The following RIMS2 variants were observed in gnomAD, a reference collection of about 807,000 sequenced individuals.
The protein encoded by RIMS2 is regulating synaptic membrane exocytosis 2.
RIMS2 carries 59 observed loss-of-function variants against 174.4 expected under a neutral mutation model. The observed-to-expected ratio is 0.34, with a 90% confidence interval of 0.27 to 0.42. RIMS2 has a LOEUF of 0.42. Among genes scored for constraint, RIMS2 ranks in the 10% least tolerant of loss-of-function variants. RIMS2 has a pLI of 1.00. For synonymous variants in RIMS2, 606 were observed against 572.5 expected (o/e 1.06, Z -0.84); for missense variants, 1,620 against 1,666.3 (o/e 0.97, Z 0.48).
At chr8:104,034,915 A>C (rs1390051569) in intron 19 of RIMS2, among the ~76,000 whole-genome samples, 1 of 152,202 alleles carries the variant, frequency 6.6e-6, no homozygotes, top group East Asian at 1.9e-4. Flanking sequence ...GAGCACATTT[A>C]CACATAAAAT....
At chr8:103,950,587 T>C (rs2085116369) in intron 14 of RIMS2, among the ~76,000 whole-genome samples, 1 of 152,158 alleles carries the variant, frequency 6.6e-6, no homozygotes, top group Non-Finnish European at 1.5e-5. Flanking sequence ...AATCCAATGT[T>C]CATCCCTGTA....
At chr8:103,813,418 T>TTCTTTCTTTCTTTC (rs1201999264) in intron 3 of RIMS2, among the ~76,000 whole-genome samples, 36 of 151,758 alleles carry the variant, frequency 2.4e-4, no homozygotes, top group East Asian at 7.7e-4. Context: ...CTTTCTTTAT[T>TTCTTTCTTTCTTTC]ATACTTTAAG....
intron 12 of RIMS2, among the ~76,000 whole-genome samples, chr8:103,933,553 G>A (rs1201725043): frequency 6.6e-6 from 1 of 152,146 alleles, no homozygotes; most frequent in African/African-American, 2.4e-5. Flanking sequence ...TATTCCGGAT[G>A]TAGTATTTTT....
At chr8:103,905,450 A>C (rs557508175) in intron 4 of RIMS2, among the ~76,000 whole-genome samples, 1 of 152,184 alleles carries the variant, frequency 6.6e-6, no homozygotes, top group Non-Finnish European at 1.5e-5. Flanking sequence ...GGGGTTGGCT[A>C]TCATTTGAAT....
intron 1 of RIMS2, among the ~76,000 whole-genome samples, chr8:103,557,741 A>G (rs2090761814): frequency 6.6e-6 from 1 of 152,228 alleles, no homozygotes; most frequent in South Asian, 2.1e-4. Context: ...TAACTGAATT[A>G]TAACTCCTTG....
At chr8:104,078,420 A>G (rs931485567) in intron 19 of RIMS2, among the ~76,000 whole-genome samples, 1 of 152,138 alleles carries the variant, frequency 6.6e-6, no homozygotes, top group Non-Finnish European at 1.5e-5. Context: ...AGGCCTTTCC[A>G]TGGCTTTCAG....
chr8:103,793,463 G>C (rs200721322), intron 3 of RIMS2, among the ~76,000 whole-genome samples: 14 of 151,982 alleles, frequency 9.2e-5, no homozygotes, highest in Non-Finnish European at 1.6e-4. Context: ...GACAAACCCA[G>C]AGCCAATATC....
rs566673581 is a variant in RIMS2 at position 103,615,807 on chromosome 8, C to T, written c.177-81279C>T. ...TAAATTCCTGGACACATACACCCTC[C>T]GAAGACTGAGCCAGGAAGTAATTGA... On this transcript the variant is annotated intron_variant, in intron 1 of 23. Transcript: ENST00000504942. Among the ~76,000 whole-genome samples the T allele has an allele frequency of 1.3e-4, 20 of 152,206 alleles. No homozygotes were observed. In the East Asian group the frequency reaches 1.9e-3, roughly 15 times the overall value.
chr8:103,650,281 C>T (rs1034128207), intron 1 of RIMS2, among the ~76,000 whole-genome samples: 2 of 152,158 alleles, frequency 1.3e-5, no homozygotes, highest in Admixed American at 6.6e-5. Context: ...GCGAAGATGG[C>T]AGCCTTCCCC....
At chr8:104,076,881 A>C (rs2097303557) in intron 19 of RIMS2, among the ~76,000 whole-genome samples, 1 of 148,586 alleles carries the variant, frequency 6.7e-6, no homozygotes, top group Admixed American at 6.8e-5. Flanking sequence ...CAGTGGCGTG[A>C]TCTCAGGTCA....
chr8:104,083,295 A>G (rs1329905871), intron 19 of RIMS2, among the ~76,000 whole-genome samples: 1 of 152,178 alleles, frequency 6.6e-6, no homozygotes, highest in Non-Finnish European at 1.5e-5. Context: ...CTAATAATTG[A>G]AAGGGAACCT....
intron 1 of RIMS2, among the ~76,000 whole-genome samples, chr8:103,545,158 A>G (rs1315210552): frequency 6.6e-6 from 1 of 152,228 alleles, no homozygotes; most frequent in African/African-American, 2.4e-5. Flanking sequence ...ATAAAACAAT[A>G]CAAGAGATAA....
intron 19 of RIMS2, among the ~76,000 whole-genome samples, chr8:104,170,941 G>A (rs1386066726): frequency 6.6e-6 from 1 of 152,014 alleles, no homozygotes; most frequent in Admixed American, 6.6e-5. Flanking sequence ...AAAATTTTTG[G>A]CTGACAGTTA....
At chr8:104,034,824 A>G (rs572573134) in intron 19 of RIMS2, among the ~76,000 whole-genome samples, 3 of 152,282 alleles carry the variant, frequency 2.0e-5, no homozygotes, top group African/African-American at 7.2e-5. Flanking sequence ...GATCACTGGG[A>G]AATGTAATAT....
At chr8:104,031,205 C>T (rs1010831082) in intron 19 of RIMS2, among the ~76,000 whole-genome samples, 6 of 151,868 alleles carry the variant, frequency 4.0e-5, no homozygotes, top group Admixed American at 3.3e-4. Context: ...ATAAAATAGC[C>T]GTTTTATCTC....
intron 17 of RIMS2, among the ~76,000 whole-genome samples, 197 bp downstream of exon 19, chr8:103,989,618 A>G (rs2094561815): frequency 6.6e-6 from 1 of 152,208 alleles, no homozygotes; most frequent in Admixed American, 6.5e-5. Context: ...TTTCTCTGGT[A>G]AGAAAAAAAC....
intron 15 of RIMS2, among the ~76,000 whole-genome samples, chr8:103,966,297 T>C (rs953740367): frequency 2.0e-5 from 3 of 152,154 alleles, no homozygotes; most frequent in African/African-American, 7.2e-5. Context: ...ATTGATTCAA[T>C]TTATTTAATA....
intron 19 of RIMS2, among the ~76,000 whole-genome samples, chr8:104,195,541 ATC>A (rs1182736878): frequency 2.1e-5 from 3 of 143,898 alleles, no homozygotes; most frequent in African/African-American, 5.2e-5. Context: ...TTGAGAAAGA[ATC>A]TCTCTCTGTC....
At chr8:103,983,191 A>G (rs1388628191) in intron 16 of RIMS2, among the ~76,000 whole-genome samples, 1 of 152,236 alleles carries the variant, frequency 6.6e-6, no homozygotes, top group Non-Finnish European at 1.5e-5. Context: ...TTAACCAAAG[A>G]AATGAAAGAT....
Sources: gnomAD v4.1 joint callset for allele counts (sites outside exome capture counted in the v4.1 genomes callset) on GRCh38, gnomAD v4.1.1 for gene constraint, MANE v1.5 for transcripts, NCBI Gene and HGNC (gene_info 2026-07-23, HGNC 2026-07-21) for gene names.